STKLD1: variants seen among roughly 807,000 people sequenced by gnomAD.
STKLD1 encodes serine/threonine kinase-like domain-containing protein STKLD1.
Under a neutral mutation model 80.4 loss-of-function variants are expected in STKLD1, and 79 were observed. The ratio of observed to expected loss-of-function variants is 0.98; its 90% confidence interval spans 0.82 to 1.19. The LOEUF is 1.19. Ranked by LOEUF, STKLD1 falls within the 50% of genes most tolerant of loss-of-function variation. The pLI, the probability that STKLD1 is intolerant of heterozygous loss-of-function variation, is 0.00. For synonymous variants in STKLD1, 393 were observed against 357.6 expected, an observed-to-expected ratio of 1.10 and a Z score of -1.12; for missense variants, 841 against 856.0, an observed-to-expected ratio of 0.98 and a Z score of 0.22.
In STKLD1 at chr9:133,395,565, A is replaced by C. The variant is rs782506147; in HGVS notation, c.703-35A>C. 5 of 1,596,936 alleles carry C rather than the reference A, an allele frequency of 3.1e-6. No homozygotes were observed. In the Admixed American group the frequency reaches 8.6e-5, roughly 27 times the overall value. ...GCTGGGACCTAGTTTTCATTTACTT[A>C]AGGGAATACACAGAGCTGTCCTCTC... On this transcript the variant is annotated intron_variant, in intron 8 of 17. Transcript: ENST00000371957.
Position 133,402,860 on chromosome 9 carries a change from A to T in STKLD1, c.1340-18A>T, listed in dbSNP as rs1554777902. 13 of 1,594,172 alleles carry T rather than the reference A, an allele frequency of 8.2e-6. No homozygotes were observed. The highest frequency in any genetic ancestry group is 1.1e-5 in the Non-Finnish European group (13 of 1,170,168). ...TGGAGGGAGGGGCCCTGGGGCCCTC[A>T]TTCTGGCTCACCCACAGAGTCAGAG... On this transcript the variant is annotated intron_variant, in intron 13 of 17. Coordinates refer to ENST00000371957, the MANE Select transcript of STKLD1 (RefSeq NM_153710.5).
intron 2 of STKLD1, among the ~76,000 whole-genome samples, chr9:133,381,922 C>T (rs1838143836): frequency 1.3e-5 from 2 of 152,358 alleles, no homozygotes; most frequent in South Asian, 2.1e-4. Flanking sequence ...GAACAATTCA[C>T]TAACTTTACA....
At chr9:133,396,886 C>G (rs1200742708) in intron 9 of STKLD1, among the ~76,000 whole-genome samples, 2 of 152,170 alleles carry the variant, frequency 1.3e-5, no homozygotes, top group Non-Finnish European at 2.9e-5. Context: ...AGGCAGGGGA[C>G]AAGAGCAAAA....
In STKLD1 at chr9:133,397,964, C is replaced by T. The variant is rs201703214; in HGVS notation, c.998-8C>T. The T allele has an allele frequency of 1.9e-6, 3 of 1,611,818 alleles. No individual in the cohort carries two copies. The highest frequency in any genetic ancestry group is 2.5e-6 in the Non-Finnish European group (3 of 1,178,796). ...AAAGGTCCCTCCCCTGCCTTCCTGT[C>T]CCTGCAGAGGTCATGCAGAAATTCT... On this transcript the variant is annotated splice_region_variant and splice_polypyrimidine_tract_variant and intron_variant, in intron 10 of 17. Transcript: ENST00000371957.
intron 9 of STKLD1, 47 bp downstream of exon 9, chr9:133,395,810 A>C (rs1554776660): frequency 6.3e-7 from 1 of 1,588,726 alleles, no homozygotes. Flanking sequence ...TTTATCTTTC[A>C]ACATCTCTCC....
intron 13 of STKLD1, among the ~76,000 whole-genome samples, 192 bp downstream of exon 13, chr9:133,402,070 T>C (rs1838720164): frequency 6.6e-6 from 1 of 152,220 alleles, no homozygotes; most frequent in Non-Finnish European, 1.5e-5. Flanking sequence ...TCCATCTTGA[T>C]GACAAGCTTC....
intron 7 of STKLD1, among the ~76,000 whole-genome samples, chr9:133,391,852 A>G (rs1053537286): frequency 1.7e-4 from 26 of 151,854 alleles, no homozygotes; most frequent in East Asian, 3.9e-4. Context: ...AAAAAAAAAA[A>G]AAAGAAAGAA....
intron 13 of STKLD1, among the ~76,000 whole-genome samples, chr9:133,402,162 C>T (rs1386414579): frequency 4.6e-5 from 7 of 152,254 alleles, no homozygotes; most frequent in Non-Finnish European, 7.3e-5. Context: ...CTTTCCCACA[C>T]TTCCTGCCCC....
At chr9:133,393,198 G>GGATGGATA (rs1458353112) in intron 7 of STKLD1, among the ~76,000 whole-genome samples, 3 of 139,402 alleles carry the variant, frequency 2.2e-5, no homozygotes, top group Non-Finnish European at 4.8e-5. Flanking sequence ...GTGCATGGAT[G>GGATGGATA]GATGGATGGA....
At position 133,384,009 on chromosome 9, in the gene STKLD1, G is replaced by A; in HGVS notation, c.219+109G>A. On this transcript the variant is annotated intron_variant, in intron 3 of 17. Coordinates refer to ENST00000371957, the MANE Select transcript of STKLD1 (RefSeq NM_153710.5). This position sits in a 1 kb window ranked among gnomAD's most constrained non-coding sequence, Gnocchi z 4.3. ...GGATGAAGAGAAGGCTGGAGGGAGGGATAGAGCATCAGCACCAGTTTTGCC... is the reference window on the plus strand; with the variant it reads ...GGATGAAGAGAAGGCTGGAGGGAGGAATAGAGCATCAGCACCAGTTTTGCC... 9.1e-7 allele frequency: 1 copy of A among 1,104,096 alleles called. No homozygotes were observed. Among genetic ancestry groups the A allele is most frequent in the Non-Finnish European group, 1.4e-6 (1 of 729,876 alleles). The allele number at this position is 1,104,096 out of a possible 1,614,324, so 68.4% of individuals were successfully genotyped here. A position where few individuals can be genotyped will look rare whatever the true frequency, so the allele number is the denominator to read the frequency against.
intron 9 of STKLD1, 88 bp from the exon 10 acceptor site, chr9:133,397,076 G>A (rs1478646713): frequency 1.3e-6 from 2 of 1,575,962 alleles, no homozygotes; most frequent in Admixed American, 1.7e-5. Flanking sequence ...CCAATGGGCA[G>A]CCCGGAGCCA....
intron 11 of STKLD1, among the ~76,000 whole-genome samples, 162 bp downstream of exon 11, chr9:133,398,217 C>CT (rs1041920615): frequency 6.6e-5 from 10 of 152,188 alleles, no homozygotes; most frequent in African/African-American, 2.4e-4. Context: ...TCCCGTGTCT[C>CT]TGCTATCTGC....
Position 133,405,396 on chromosome 9 carries a change from G to A in STKLD1, c.2018G>A (p.Cys673Tyr). 1.2e-6 allele frequency: 2 copies of A among 1,610,750 alleles called. No homozygotes were observed. Among genetic ancestry groups the A allele is most frequent in the South Asian group, 1.1e-5 (1 of 91,030 alleles). ...LPPGGSPQLG[C>Y]TTSGGLE ...CCAGGTGGAAGCCCCCAGCTGGGGT[G>A]CACCACGTCTGGGGGACTGGAATAG... The change falls in exon 18 of 18, where the codon TGC becomes TAC. Residue 673 changes from cysteine to tyrosine, a missense_variant. Coordinates refer to ENST00000371957, the MANE Select transcript of STKLD1 (RefSeq NM_153710.5).
chr9:133,377,043 T>C (rs1212229110), intron 1 of STKLD1, among the ~76,000 whole-genome samples: 11 of 152,252 alleles, frequency 7.2e-5, no homozygotes, highest in Admixed American at 7.2e-4. Context: ...ATACACTTTA[T>C]TAAATGTTAG....
In STKLD1 at chr9:133,394,561, C is replaced by T; in HGVS notation, c.702+152C>T. 1.5e-6 allele frequency: 1 copy of T among 659,242 alleles called. No homozygotes were observed. Among genetic ancestry groups the T allele is most frequent in the South Asian group, 1.7e-5 (1 of 57,404 alleles). The allele number at this position is 659,242 out of a possible 1,614,324, so 40.8% of individuals were successfully genotyped here. ...AGCCCTCTTCTCCACCTGCGAGGGG[C>T]CTGCCCTCCTCAGAACCCCTCAGCT... On this transcript the variant is annotated intron_variant, in intron 8 of 17. Transcript: ENST00000371957. The surrounding 1 kb of genome is among the most constrained non-coding windows in gnomAD (Gnocchi z 4.9).
At chr9:133,396,911 G>A (rs1234284240) in intron 9 of STKLD1, among the ~76,000 whole-genome samples, 1 of 152,208 alleles carries the variant, frequency 6.6e-6, no homozygotes, top group African/African-American at 2.4e-5. Context: ...CAGGGCCCCG[G>A]ACTGTCCCCC....
intron 11 of STKLD1, among the ~76,000 whole-genome samples, chr9:133,399,330 G>C (rs1243149925): frequency 1.3e-5 from 2 of 152,084 alleles, no homozygotes; most frequent in Non-Finnish European, 2.9e-5. Context: ...CAGTGGCTCG[G>C]GCCTCAGAGG....
At position 133,386,092 on chromosome 9, in the gene STKLD1, T is replaced by C. The variant is rs190895348; in HGVS notation, c.294+401T>C. On this transcript the variant is annotated intron_variant, in intron 4 of 17. Transcript: ENST00000371957. ...TGCCATGATGCCCGGCTAATTTTTG[T>C]ATTTTTAGTAGAGACGGGGTTTCAC... 3.8e-4 allele frequency among the ~76,000 whole-genome samples: 58 copies of C among 152,294 alleles called. No individual in the cohort carries two copies. In the East Asian group the frequency reaches 9.8e-3, roughly 26 times the overall value.
Position 133,395,680 on chromosome 9 carries a change from G to A in STKLD1, c.783G>A (p.Glu261=). 6.2e-7 allele frequency: 1 copy of A among 1,613,494 alleles called. No homozygotes were observed. The highest frequency in any genetic ancestry group is 8.5e-7 in the Non-Finnish European group (1 of 1,180,036). Residue 261 remains glutamate, a synonymous_variant, in exon 9 of 18, where the codon GAG becomes GAA. Transcript: ENST00000371957. ...AGGCCGTCCTGAAGACAATGGAGGA[G>A]AAGCAGATCCCGGATGTGGAAACCT... The part of the protein sequence containing the change: ...SLKAVLKTME[E]KQIPDVETFR...
Sources: gnomAD v4.1 joint callset for allele counts (sites outside exome capture counted in the v4.1 genomes callset) on GRCh38, gnomAD v4.1.1 for gene constraint, Gnocchi (gnomAD v3.1) non-coding constraint, MANE v1.5 for transcripts, NCBI Gene and HGNC (gene_info 2026-07-23, HGNC 2026-07-21) for gene names.